The following SDHAF3 variants were observed in gnomAD, a reference collection of about 807,000 sequenced individuals.
The protein encoded by SDHAF3 is succinate dehydrogenase assembly factor 3, mitochondrial.
Under a neutral mutation model 11.5 loss-of-function variants are expected in SDHAF3, and 18 were observed. The observed-to-expected ratio is 1.56, with a 90% confidence interval of 1.08 to 2.32. The LOEUF is 2.32. Among genes scored for constraint, SDHAF3 ranks in the 30% most tolerant of loss-of-function variants. The pLI is 0.00. For missense variants in SDHAF3, 200 were observed against 154.4 expected (o/e 1.30, Z -1.57); for synonymous variants, 72 against 59.3 (o/e 1.21, Z -0.99).
At chr7:97,173,355 A>C (rs1000271163) in intron 1 of SDHAF3, among the ~76,000 whole-genome samples, 12 of 152,312 alleles carry the variant, frequency 7.9e-5, no homozygotes, top group African/African-American at 2.9e-4. Context: ...GAGAAAATAT[A>C]ATGAACCACT....
intron 1 of SDHAF3, among the ~76,000 whole-genome samples, chr7:97,144,737 T>C (rs1378978349): frequency 6.6e-6 from 1 of 152,156 alleles, no homozygotes; most frequent in East Asian, 1.9e-4. Context: ...GAAATCATAG[T>C]GTGATGCCTG....
chr7:97,178,653 ATATC>A (rs1212804477), intron 1 of SDHAF3, among the ~76,000 whole-genome samples: 2 of 152,096 alleles, frequency 1.3e-5, no homozygotes, highest in Non-Finnish European at 2.9e-5. Flanking sequence ...GGCCATCTGT[ATATC>A]TTTGGAGAAA....
intron 1 of SDHAF3, among the ~76,000 whole-genome samples, chr7:97,155,982 A>T (rs563757265): frequency 6.6e-6 from 1 of 152,214 alleles, no homozygotes; most frequent in Non-Finnish European, 1.5e-5. Flanking sequence ...CCATTTTTTT[A>T]AAAAGTATGG....
At chr7:97,131,239 T>A (rs1791667933) in intron 1 of SDHAF3, among the ~76,000 whole-genome samples, 1 of 152,268 alleles carries the variant, frequency 6.6e-6, no homozygotes, top group East Asian at 1.9e-4. Flanking sequence ...ATTTGTCTAT[T>A]TGATTCTTCA....
At chr7:97,153,275 G>A (rs903392383) in intron 1 of SDHAF3, among the ~76,000 whole-genome samples, 5 of 152,156 alleles carry the variant, frequency 3.3e-5, no homozygotes, top group South Asian at 4.1e-4. Flanking sequence ...CTTTTCTGGC[G>A]TGTTACATGT....
chr7:97,152,129 G>A (rs1584223557), intron 1 of SDHAF3, among the ~76,000 whole-genome samples: 2 of 152,038 alleles, frequency 1.3e-5, no homozygotes, highest in African/African-American at 2.4e-5. Flanking sequence ...CTGCCCTGCC[G>A]GTTCATCCCC....
chr7:97,167,856 G>T (rs1400562066), intron 1 of SDHAF3, among the ~76,000 whole-genome samples: 4 of 152,230 alleles, frequency 2.6e-5, no homozygotes, highest in African/African-American at 9.6e-5. Flanking sequence ...GCAGACAAAT[G>T]CCTAGGTAGA....
At chr7:97,167,072 G>A (rs1276991362) in intron 1 of SDHAF3, among the ~76,000 whole-genome samples, 1 of 151,218 alleles carries the variant, frequency 6.6e-6, no homozygotes, top group African/African-American at 2.4e-5. Flanking sequence ...TCATGCCAAG[G>A]CAGTTAAAGA....
intron 1 of SDHAF3, among the ~76,000 whole-genome samples, chr7:97,154,062 T>TA (rs1584224566): frequency 6.6e-6 from 1 of 152,112 alleles, no homozygotes; most frequent in Admixed American, 6.5e-5. Context: ...TTAGTTCTTA[T>TA]AGGTTTTGGG....
At chr7:97,175,655 A>G (rs1789668553) in intron 1 of SDHAF3, among the ~76,000 whole-genome samples, 1 of 152,242 alleles carries the variant, frequency 6.6e-6, no homozygotes, top group Admixed American at 6.5e-5. Flanking sequence ...CAGGTAGAGA[A>G]TTAGAGAGTA....
At chr7:97,148,307 G>C (rs1235221002) in intron 1 of SDHAF3, among the ~76,000 whole-genome samples, 1 of 152,162 alleles carries the variant, frequency 6.6e-6, no homozygotes. Context: ...GGCTGAAGCG[G>C]GAGGGCCACT....
At chr7:97,130,491 A>C (rs1223229231) in intron 1 of SDHAF3, among the ~76,000 whole-genome samples, 2 of 151,980 alleles carry the variant, frequency 1.3e-5, no homozygotes, top group Non-Finnish European at 2.9e-5. Context: ...AGCTGGTGGG[A>C]GTGTGTCACT....
chr7:97,161,451 T>C (rs937471761), intron 1 of SDHAF3, among the ~76,000 whole-genome samples: 2 of 152,210 alleles, frequency 1.3e-5, no homozygotes, highest in African/African-American at 4.8e-5. Flanking sequence ...CATTTTATTA[T>C]ACTTTAAGTT....
At chr7:97,136,762 TATA>T (rs1791777363) in intron 1 of SDHAF3, among the ~76,000 whole-genome samples, 1 of 152,324 alleles carries the variant, frequency 6.6e-6, no homozygotes, top group East Asian at 1.9e-4. Context: ...TGCATTTAAA[TATA>T]ATGTTTGTTC....
In SDHAF3 at chr7:97,152,713, A is replaced by G. The variant is rs148270231; in HGVS notation, c.175-28299A>G. 4.2e-3 allele frequency among the ~76,000 whole-genome samples: 644 copies of G among 152,214 alleles called. 1 individual carries two copies. Among genetic ancestry groups the G allele is most frequent in the Non-Finnish European group, 6.2e-3 (420 of 68,020 alleles). On this transcript the variant is annotated intron_variant, in intron 1 of 1. Transcript: ENST00000432641. Reference sequence around the variant, plus strand: ...CGCCCAGGCTGGATTGCAATGGCGCAATCTCAGGTCACTGCAACCCCTGCC... The same window carrying G: ...CGCCCAGGCTGGATTGCAATGGCGCGATCTCAGGTCACTGCAACCCCTGCC...
At chr7:97,131,856 G>A (rs914570357) in intron 1 of SDHAF3, among the ~76,000 whole-genome samples, 2 of 152,110 alleles carry the variant, frequency 1.3e-5, no homozygotes, top group Non-Finnish European at 2.9e-5. Flanking sequence ...AGTAAAGTGA[G>A]AATTTTAAAT....
chr7:97,160,312 A>G (rs1330518808), intron 1 of SDHAF3, among the ~76,000 whole-genome samples: 2 of 149,330 alleles, frequency 1.3e-5, no homozygotes, highest in Admixed American at 1.3e-4. Flanking sequence ...CTGGGAAGTG[A>G]GGAGCGCCTC....
Position 97,117,890 on chromosome 7 carries a change from AATGGG to A in SDHAF3, c.169_173del (p.Trp57GlyfsTer11). The A allele has an allele frequency of 6.2e-7, 1 of 1,613,978 alleles. No homozygotes were observed. The highest frequency in any genetic ancestry group is 8.5e-7 in the Non-Finnish European group (1 of 1,179,888). ...GACGAGGCACAGCGTTTCTTGCAAGAATGGGAGGCAAGTGACGCTCCCTTCTCTTT... is the reference window on the plus strand; with the variant it reads ...GACGAGGCACAGCGTTTCTTGCAAGAAGGCAAGTGACGCTCCCTTCTCTTT... On this transcript the variant is annotated frameshift_variant and splice_region_variant, in exon 1 of 2. Transcript: ENST00000432641. LOFTEE classifies it high-confidence loss of function.
At position 97,151,568 on chromosome 7, in the gene SDHAF3, C is replaced by T. The variant is rs1482830407; in HGVS notation, c.175-29444C>T. Among the ~76,000 whole-genome samples, 6 of 151,092 alleles carry T rather than the reference C, an allele frequency of 4.0e-5. No homozygotes were observed. In the East Asian group the frequency reaches 5.8e-4, roughly 15 times the overall value. The stretch of plus-strand genomic sequence containing the variant: ...GGCTGGAGTGCAGTGGCACAATCTC[C>T]GCTCACTGCAAGCTCTGCCCCCCGG... On this transcript the variant is annotated intron_variant, in intron 1 of 1. Transcript: ENST00000432641.
Sources: allele counts gnomAD v4.1 joint callset (sites outside exome capture counted in the v4.1 genomes callset), GRCh38; gene constraint gnomAD v4.1.1; transcripts MANE v1.5; gene names NCBI Gene and HGNC (gene_info 2026-07-23, HGNC 2026-07-21).